The following TSPAN9 variants were observed in gnomAD, a reference collection of about 807,000 sequenced individuals.
The protein encoded by TSPAN9 is tetraspanin-9.
In TSPAN9, 16 loss-of-function variants were observed where a neutral mutation model predicts 31.0. That is an observed-to-expected ratio of 0.52 (90% confidence interval 0.35 to 0.78). TSPAN9 has a LOEUF of 0.78. Among genes scored for constraint, TSPAN9 ranks in the 30% least tolerant of loss-of-function variants. The pLI, the probability that TSPAN9 is intolerant of heterozygous loss-of-function variation, is 0.01. For missense variants in TSPAN9, 272 were observed against 312.5 expected, an observed-to-expected ratio of 0.87 and a Z score of 0.98; for synonymous variants, 145 against 121.6, an observed-to-expected ratio of 1.19 and a Z score of -1.27.
At chr12:3,230,982 A>G (rs1317441241) in intron 3 of TSPAN9, among the ~76,000 whole-genome samples, 6 of 152,098 alleles carry the variant, frequency 3.9e-5, no homozygotes, top group Non-Finnish European at 8.8e-5. Flanking sequence ...GCGGGGGTGT[A>G]TGCTATAAAG....
chr12:3,219,848 TAAA>T (rs552211012), intron 3 of TSPAN9, among the ~76,000 whole-genome samples: 2 of 135,916 alleles, frequency 1.5e-5, no homozygotes, highest in Non-Finnish European at 1.6e-5. Flanking sequence ...CTTAAACTAT[TAAA>T]AAAAAAAAAA....
chr12:3,211,557 T>G, intron 3 of TSPAN9: 1 of 936,706 alleles, frequency 1.1e-6, no homozygotes, highest in Non-Finnish European at 1.6e-6. Context: ...TGACCTTTCA[T>G]TGAATTCATT....
rs902369751 is a variant in TSPAN9 at position 3,248,407 on chromosome 12, T to C, written c.64-30014T>C. On this transcript the variant is annotated intron_variant, in intron 3 of 8. Transcript: ENST00000011898. ...TTCTTTATGAAAATGTGTGCTCTCTTAGTTTCCTTCTGCCTTCTTGCCCTG... is the reference window on the plus strand; with the variant it reads ...TTCTTTATGAAAATGTGTGCTCTCTCAGTTTCCTTCTGCCTTCTTGCCCTG... Among the ~76,000 whole-genome samples the C allele has an allele frequency of 7.9e-5, 12 of 152,296 alleles. No individual in the cohort carries two copies. The East Asian group carries it at 1.5e-3, about 20-fold the overall frequency.
chr12:3,092,480 G>A (rs2098305279), intron 2 of TSPAN9, among the ~76,000 whole-genome samples: 1 of 152,134 alleles, frequency 6.6e-6, no homozygotes, highest in Non-Finnish European at 1.5e-5. Context: ...TTCCCTCATA[G>A]TTCCCGAGGG....
intron 2 of TSPAN9, among the ~76,000 whole-genome samples, chr12:3,148,523 T>C (rs750442513): frequency 4.0e-5 from 6 of 151,872 alleles, no homozygotes; most frequent in Non-Finnish European, 5.9e-5. Context: ...GCTGGCAGGG[T>C]ATGGAACGTG....
intron 2 of TSPAN9, among the ~76,000 whole-genome samples, chr12:3,157,344 C>T (rs2098342791): frequency 6.6e-6 from 1 of 151,932 alleles, no homozygotes; most frequent in Non-Finnish European, 1.5e-5. Flanking sequence ...CGCATGATCC[C>T]CCCACCTCGG....
intron 2 of TSPAN9, among the ~76,000 whole-genome samples, chr12:3,198,105 G>T: frequency 1.0e-5 from 1 of 95,290 alleles, no homozygotes; most frequent in African/African-American, 4.0e-5. Context: ...CTCACCACCA[G>T]CACAGGCCAC....
At chr12:3,151,875 A>G (rs1353805578) in intron 2 of TSPAN9, among the ~76,000 whole-genome samples, 3 of 152,108 alleles carry the variant, frequency 2.0e-5, no homozygotes, top group Admixed American at 6.5e-5. Flanking sequence ...GTGAGCCGAG[A>G]TCGTGCTATT....
At chr12:3,085,286 A>G (rs931192958) in intron 2 of TSPAN9, among the ~76,000 whole-genome samples, 1 of 151,412 alleles carries the variant, frequency 6.6e-6, no homozygotes, top group Non-Finnish European at 1.5e-5. Flanking sequence ...TGTCCCCCAC[A>G]TCCCGTGGGG....
intron 3 of TSPAN9, among the ~76,000 whole-genome samples, chr12:3,243,269 A>G (rs888762174): frequency 1.3e-5 from 2 of 152,032 alleles, no homozygotes; most frequent in Admixed American, 6.5e-5. Flanking sequence ...CACCATCACC[A>G]TCGCAGCCAC....
chr12:3,268,179 C>CGTGCGTTCCTGCAGCCTGCCCTCA (rs1862575021), intron 3 of TSPAN9, among the ~76,000 whole-genome samples: 1 of 122,398 alleles, frequency 8.2e-6, no homozygotes, highest in African/African-American at 3.1e-5. Flanking sequence ...GCCTACCCTC[C>CGTGCGTTCCTGCAGCCTGCCCTCA]GTGCGTTCCT....
intron 2 of TSPAN9, chr12:3,173,422 A>G (rs971828032): frequency 2.0e-5 from 3 of 152,156 alleles, no homozygotes; most frequent in Non-Finnish European, 4.4e-5. Flanking sequence ...TAGCACAGGT[A>G]CTCCCATGGG....
At chr12:3,252,428 G>A (rs1025138727) in intron 3 of TSPAN9, among the ~76,000 whole-genome samples, 3 of 152,218 alleles carry the variant, frequency 2.0e-5, no homozygotes, top group South Asian at 2.1e-4. Context: ...CTGTGTGAGC[G>A]GGTGCTCTCT....
At chr12:3,125,452 C>T (rs1056351419) in intron 2 of TSPAN9, among the ~76,000 whole-genome samples, 21 of 152,010 alleles carry the variant, frequency 1.4e-4, no homozygotes, top group Non-Finnish European at 2.1e-4. Flanking sequence ...TTCTTCCCCC[C>T]GCAGTTTTCT....
intron 3 of TSPAN9, among the ~76,000 whole-genome samples, chr12:3,250,380 A>G (rs1012930217): frequency 6.6e-6 from 1 of 151,906 alleles, no homozygotes; most frequent in African/African-American, 2.4e-5. Flanking sequence ...GATTTTGCAG[A>G]CTCTGATCCA....
chr12:3,189,121 C>T (rs138670676), intron 2 of TSPAN9, among the ~76,000 whole-genome samples: 270 of 152,264 alleles, frequency 1.8e-3, no homozygotes, highest in African/African-American at 5.9e-3. Flanking sequence ...ATGACTAGAA[C>T]AAGAAGAGTG....
At chr12:3,111,605 C>CTTTT (rs59487749) in intron 2 of TSPAN9, among the ~76,000 whole-genome samples, 3 of 136,136 alleles carry the variant, frequency 2.2e-5, no homozygotes, top group Non-Finnish European at 3.2e-5. Context: ...CGTGCATTAC[C>CTTTT]TTTTTTTTTT....
chr12:3,139,557 C>G (rs1403214214), intron 2 of TSPAN9, among the ~76,000 whole-genome samples: 1 of 151,916 alleles, frequency 6.6e-6, no homozygotes, highest in African/African-American at 2.4e-5. Context: ...TGCATCCCCT[C>G]AGATAACTTT....
chr12:3,148,930 ACTTT>A (rs1322529000), intron 2 of TSPAN9, among the ~76,000 whole-genome samples: 1 of 152,170 alleles, frequency 6.6e-6, no homozygotes, highest in African/African-American at 2.4e-5. Context: ...GGCCGAGGTA[ACTTT>A]GGCTCCTGCC....
Sources: allele counts gnomAD v4.1 joint callset (sites outside exome capture counted in the v4.1 genomes callset), GRCh38; gene constraint gnomAD v4.1.1; transcripts MANE v1.5; gene names NCBI Gene and HGNC (gene_info 2026-07-23, HGNC 2026-07-21).